ATP4A: variants seen among roughly 807,000 people sequenced by gnomAD.
The protein encoded by ATP4A is potassium-transporting ATPase alpha chain 1.
Under a neutral mutation model 112.1 loss-of-function variants are expected in ATP4A, and 73 were observed. The observed-to-expected ratio is 0.65, with a 90% CI of 0.54 to 0.79. ATP4A has a LOEUF of 0.79. Among genes scored for constraint, ATP4A ranks in the 30% least tolerant of loss-of-function variants. The pLI is 0.00. For synonymous variants in ATP4A, 588 were observed against 588.9 expected (o/e 1.00, Z 0.02); for missense variants, 1,081 against 1,425.9 (o/e 0.76, Z 3.90).
In ATP4A at chr19:35,550,405, C is replaced by T; in HGVS notation, c.*210G>A. ...GCCAGCCCAGAGGACTGCCCAGGCGCTGCTGCTCCAGGAGGTGCGAACCTT... is the reference window on the plus strand; with the variant it reads ...GCCAGCCCAGAGGACTGCCCAGGCGTTGCTGCTCCAGGAGGTGCGAACCTT... On this transcript the variant is annotated 3_prime_UTR_variant, in exon 22 of 22. Coordinates refer to ENST00000262623, the MANE Select transcript of ATP4A (RefSeq NM_000704.3). The surrounding 1 kb of genome is among the most constrained non-coding windows in gnomAD (Gnocchi z 4.1). 1.6e-6 allele frequency: 1 copy of T among 641,872 alleles called. No homozygotes were observed. Among genetic ancestry groups the T allele is most frequent in the Non-Finnish European group, 2.6e-6 (1 of 377,890 alleles). 39.8% of individuals were successfully genotyped at this position (641,872 alleles called of 1,614,324 possible). A position where few individuals can be genotyped will look rare whatever the true frequency, so the allele number is the denominator to read the frequency against.
At chr19:35,552,111 A>G (rs2146306074) in intron 18 of ATP4A, among the ~76,000 whole-genome samples, 1 of 152,168 alleles carries the variant, frequency 6.6e-6, no homozygotes, top group Admixed American at 6.5e-5. Context: ...CAGTGGTGCA[A>G]TCTCAGCTCA....
chr19:35,557,998 G>C lies in ATP4A; in HGVS notation c.1501-151C>G. ...GGGAAGGGTGAAGGTGGAAGATGGAGGCCTTGTGTGGAGGGGTCCTTGGTA... is the reference window on the plus strand; with the variant it reads ...GGGAAGGGTGAAGGTGGAAGATGGACGCCTTGTGTGGAGGGGTCCTTGGTA... On this transcript the variant is annotated intron_variant, in intron 10 of 21. Transcript: ENST00000262623. The surrounding 1 kb of genome is among the most constrained non-coding windows in gnomAD (Gnocchi z 4.4). 1.2e-5 allele frequency: 8 copies of C among 684,986 alleles called. 1 individual carries two copies. In the South Asian group the frequency reaches 1.6e-4, roughly 13 times the overall value. 42.4% of individuals were successfully genotyped at this position (684,986 alleles called of 1,614,324 possible).
In ATP4A at chr19:35,555,429, G is replaced by A; in HGVS notation, c.2157+11C>T. On this transcript the variant is annotated intron_variant, in intron 14 of 21. Transcript: ENST00000262623. The surrounding 1 kb of genome is among the most constrained non-coding windows in gnomAD (Gnocchi z 6.6). The stretch of plus-strand genomic sequence containing the variant: ...TCTGCCCGCCTGCCCACCCTCATCA[G>A]CAGGGCTCACCAGCCGCTGGCAGCT... 6.2e-7 allele frequency: 1 copy of A among 1,610,468 alleles called. No individual in the cohort carries two copies. The highest frequency in any genetic ancestry group is 8.5e-7 in the Non-Finnish European group (1 of 1,177,972).
chr19:35,557,986 G>T lies in ATP4A; in HGVS notation c.1501-139C>A. The T allele has an allele frequency of 1.4e-6, 1 of 738,592 alleles. No homozygotes were observed. Among genetic ancestry groups the T allele is most frequent in the South Asian group, 1.9e-5 (1 of 52,488 alleles). The allele number at this position is 738,592 out of a possible 1,614,324, so 45.8% of individuals were successfully genotyped here. On this transcript the variant is annotated intron_variant, in intron 10 of 21. Coordinates refer to ENST00000262623, the MANE Select transcript of ATP4A (RefSeq NM_000704.3). This position sits in a 1 kb window ranked among gnomAD's most constrained non-coding sequence, Gnocchi z 4.4. ...CTGAGAGCTGCGGGGAAGGGTGAAG[G>T]TGGAAGATGGAGGCCTTGTGTGGAG...
Position 35,560,732 on chromosome 19 carries a change from A to T in ATP4A, c.534+87T>A. ...CCATGGGGAGAGATGGAGGCCACAG[A>T]TGAGGGACAGGGGCCTGATGGAAGG... is the stretch of plus-strand genomic sequence containing the variant. On this transcript the variant is annotated intron_variant, in intron 5 of 21. Coordinates refer to ENST00000262623, the MANE Select transcript of ATP4A (RefSeq NM_000704.3). The surrounding 1 kb of genome is among the most constrained non-coding windows in gnomAD (Gnocchi z 5.1). 1 of 1,576,928 alleles carries T rather than the reference A, an allele frequency of 6.3e-7. No individual in the cohort carries two copies. The highest frequency in any genetic ancestry group is 1.1e-5 in the South Asian group (1 of 89,946).
rs564564192 is a variant in ATP4A, at chr19:35,551,285, G to A, written c.2885+162C>T. 6.6e-6 allele frequency among the ~76,000 whole-genome samples: 1 copy of A among 152,132 alleles called. No individual in the cohort carries two copies. The highest frequency in any genetic ancestry group is 1.5e-5 in the Non-Finnish European group (1 of 68,018). On this transcript the variant is annotated intron_variant, in intron 19 of 21. Transcript: ENST00000262623. The surrounding 1 kb of genome is among the most constrained non-coding windows in gnomAD (Gnocchi z 5.2). Reference sequence around the variant, plus strand: ...ACCCCTTTAGTGAAATGTGGAGGGGGCCGTGGGGGGAGTTATTGGCCAGTT... The same window carrying A: ...ACCCCTTTAGTGAAATGTGGAGGGGACCGTGGGGGGAGTTATTGGCCAGTT...
chr19:35,563,601 C>T lies in ATP4A; in HGVS notation c.12+17G>A, dbSNP rs778084270. 3.1e-6 allele frequency: 5 copies of T among 1,613,896 alleles called. No homozygotes were observed. The highest frequency in any genetic ancestry group is 4.5e-5 in the East Asian group (2 of 44,872). The stretch of plus-strand genomic sequence containing the variant: ...CCCCTGTCCCCACTGCACCCCGGAC[C>T]CCTGGGCCCCACTCACGGCCTTCCC... On this transcript the variant is annotated intron_variant, in intron 1 of 21. Coordinates refer to ENST00000262623, the MANE Select transcript of ATP4A (RefSeq NM_000704.3).
In ATP4A at chr19:35,560,576, T is replaced by C; in HGVS notation, c.574A>G (p.Asn192Asp). The C allele has an allele frequency of 6.2e-7, 1 of 1,612,304 alleles. No individual in the cohort carries two copies. Among genetic ancestry groups the C allele is most frequent in the Non-Finnish European group, 8.5e-7 (1 of 1,179,716 alleles). Residue 192 changes from asparagine (N) to aspartate (D), a missense_variant, in exon 6 of 22, where the codon AAC becomes GAC. Transcript: ENST00000262623. The surrounding 1 kb of genome is among the most constrained non-coding windows in gnomAD (Gnocchi z 5.1). Reference protein sequence around the residue: ...VIRDGDKFQINADQLVVGDLV... With the variant: ...VIRDGDKFQIDADQLVVGDLV... ...TCGCCCACCACCAGTTGGTCAGCGTTGATCTGGAATTTGTCTCCATCGCGG... is the reference window on the plus strand; with the variant it reads ...TCGCCCACCACCAGTTGGTCAGCGTCGATCTGGAATTTGTCTCCATCGCGG...
Position 35,563,236 on chromosome 19 carries a change from T to A in ATP4A, c.189A>T (p.Glu63Asp). The A allele has an allele frequency of 6.2e-7, 1 of 1,614,052 alleles. No individual in the cohort carries two copies. The highest frequency in any genetic ancestry group is 8.5e-7 in the Non-Finnish European group (1 of 1,180,012). Reference sequence around the variant, plus strand: ...TGGTGGCACTGGTCTGGTATTTCTGTTCCAGCTCCGCCACTGACAGCTGGT... The same window carrying A: ...TGGTGGCACTGGTCTGGTATTTCTGATCCAGCTCCGCCACTGACAGCTGGT... The part of the protein sequence containing the change: ...NDHQLSVAEL[E>D]QKYQTSATKG... The change falls in exon 3 of 22, where the codon GAA (glutamate) becomes GAT (aspartate). Residue 63 changes from glutamate (E) to aspartate (D), a missense_variant. Around this residue, in one of 3 missense-constraint regions of ATP4A, gnomAD observed 850 missense variants for 1,068.2 expected, o/e 0.80. Coordinates refer to ENST00000262623, the MANE Select transcript of ATP4A (RefSeq NM_000704.3).
chr19:35,555,917 C>T lies in ATP4A; in HGVS notation c.1870-105G>A, dbSNP rs569713534. 1.4e-5 allele frequency: 21 copies of T among 1,461,196 alleles called. No homozygotes were observed. The highest frequency in any genetic ancestry group is 5.5e-5 in the South Asian group (4 of 72,274). The allele number at this position is 1,461,196 out of a possible 1,614,324, so 90.5% of individuals were successfully genotyped here. A position where few individuals can be genotyped will look rare whatever the true frequency, so the allele number is the denominator to read the frequency against. On this transcript the variant is annotated intron_variant, in intron 12 of 21. Transcript: ENST00000262623. The surrounding 1 kb of genome is among the most constrained non-coding windows in gnomAD (Gnocchi z 6.6). ...ACACGTGTTCATTTACTTGACCAAG[C>T]GTGACCACCTCCTACGTGCCTGGGA...
Position 35,557,676 on chromosome 19 carries a change from C to T in ATP4A, c.1672G>A (p.Gly558Ser). The change falls in exon 11 of 22, where the codon GGC becomes AGC. Residue 558 changes from glycine to serine, a missense_variant. Physicochemically the swap from Gly to Ser is moderately conservative, Grantham distance 56. Coordinates refer to ENST00000262623, the MANE Select transcript of ATP4A (RefSeq NM_000704.3). The surrounding 1 kb of genome is among the most constrained non-coding windows in gnomAD (Gnocchi z 4.4). ...TCACCGAGCACGCGTTCGCCCAGGC[C>T]TCCCAGGCTGAGGTAGGCGGTCTGG... ...AFQTAYLSLG[G>S]LGERVLGFCQ... The T allele has an allele frequency of 6.2e-7, 1 of 1,608,894 alleles. No individual in the cohort carries two copies. The highest frequency in any genetic ancestry group is 1.1e-5 in the South Asian group (1 of 90,186).
At chr19:35,554,601 G>A (rs2733738) in intron 16 of ATP4A, among the ~76,000 whole-genome samples, 79,270 of 151,898 alleles carry the variant, frequency 0.52, 21,315 homozygotes, top group South Asian at 0.65. Flanking sequence ...CTGTTTAGGG[G>A]CACGTGTCTG....
rs200663366 is a variant in ATP4A at position 35,551,086 on chromosome 19, C to G, written c.2911G>C (p.Val971Leu). The G allele has an allele frequency of 3.7e-6, 6 of 1,611,960 alleles. No individual in the cohort carries two copies. The highest frequency in any genetic ancestry group is 5.1e-6 in the Non-Finnish European group (6 of 1,179,006). The change falls in exon 20 of 22, where the codon GTG becomes CTG. Residue 971 changes from valine (V) to leucine (L), a missense_variant. Transcript: ENST00000262623. The surrounding 1 kb of genome is among the most constrained non-coding windows in gnomAD (Gnocchi z 5.2). ...AAGCAGCCGATGCAGACCTGGAACA[C>G]GATGGCGATCACCAGGATCTTATTC... Reference protein sequence around the residue: ...FRNKILVIAIVFQVCIGCFLC... With the variant: ...FRNKILVIAILFQVCIGCFLC...
rs777625012 is a variant in ATP4A, at chr19:35,558,448, C to T, written c.1414G>A (p.Glu472Lys). ...CCCATGGCGTTGCCCAGCGTCAGCT[C>T]CGAGAACTTGAGCAGCGCCGTCTCC... ...ASETALLKFS[E>K]LTLGNAMGYR... Residue 472 changes from glutamate to lysine, a missense_variant, in exon 10 of 22, where the codon GAG becomes AAG. This residue lies in a region of ATP4A where 850 missense variants were observed against 1,068.2 expected (regional missense o/e 0.80). Coordinates refer to ENST00000262623, the MANE Select transcript of ATP4A (RefSeq NM_000704.3). This position sits in a 1 kb window ranked among gnomAD's most constrained non-coding sequence, Gnocchi z 5.1. 1 of 1,604,934 alleles carries T rather than the reference C, an allele frequency of 6.2e-7. No homozygotes were observed. Among genetic ancestry groups the T allele is most frequent in the Non-Finnish European group, 8.5e-7 (1 of 1,176,218 alleles).
In ATP4A at chr19:35,556,923, G is replaced by A; in HGVS notation, c.1859C>T (p.Ala620Val). Residue 620 changes from alanine (A) to valine (V), a missense_variant, in exon 12 of 22, where the codon GCA becomes GTA. Around this residue, in one of 3 missense-constraint regions of ATP4A, gnomAD observed 850 missense variants for 1,068.2 expected, o/e 0.80. Transcript: ENST00000262623. ...CCCACAGTGGCATACCCGGATGCCT[G>A]CGGTGCGACACTTGAGCACAGCATC... ...VPDAVLKCRT[A>V]GIRVIMVTGD... 2 of 1,613,840 alleles carry A rather than the reference G, an allele frequency of 1.2e-6. No homozygotes were observed. Among genetic ancestry groups the A allele is most frequent in the Non-Finnish European group, 8.5e-7 (1 of 1,179,752 alleles).
Position 35,558,640 on chromosome 19 carries a change from C to T in ATP4A, c.1302G>A (p.Arg434=), listed in dbSNP as rs1357696599. 7 of 1,594,664 alleles carry T rather than the reference C, an allele frequency of 4.4e-6. No individual in the cohort carries two copies. Among genetic ancestry groups the T allele is most frequent in the Non-Finnish European group, 6.0e-6 (7 of 1,173,758 alleles). ...CGGCGCGGTTGCACAGGGTGAGCAC[C>T]CGGCACAGCGCCCGCCACGTCTCCG... ...QSSETWRALC[R]VLTLCNRAAF... is the part of the protein sequence containing the mutation. The change falls in exon 9 of 22, where the codon CGG becomes CGA. Residue 434 remains arginine (R), a synonymous_variant. Transcript: ENST00000262623. The surrounding 1 kb of genome is among the most constrained non-coding windows in gnomAD (Gnocchi z 5.1).
Position 35,563,399 on chromosome 19 carries a change from C to A in ATP4A, c.141G>T (p.Lys47Asn), listed in dbSNP as rs765062885. The change falls in exon 2 of 22, where the codon AAG becomes AAT. Residue 47 changes from lysine (K) to asparagine (N), a missense_variant. This residue lies in a region of ATP4A where 850 missense variants were observed against 1,068.2 expected (regional missense o/e 0.80). Transcript: ENST00000262623. ...GKRKEKLENMKKEMEINDHQL... is the reference protein window; with the variant it reads ...GKRKEKLENMNKEMEINDHQL... ...CAGAGCTCACAATCTCCATCTCCTT[C>A]TTCATGTTCTCCAGCTTCTCCTTCC... The A allele has an allele frequency of 6.2e-7, 1 of 1,613,298 alleles. No homozygotes were observed. The highest frequency in any genetic ancestry group is 1.1e-5 in the South Asian group (1 of 91,036).
At position 35,555,615 on chromosome 19, in the gene ATP4A, G is replaced by C. The variant is rs751936807; in HGVS notation, c.2007-25C>G. 3.8e-6 allele frequency: 6 copies of C among 1,576,752 alleles called. No individual in the cohort carries two copies. The highest frequency in any genetic ancestry group is 2.7e-5 in the African/African-American group (2 of 74,460). ...CCTGGGGAGGAGATGGGAGGACCTC[G>C]CTGGGACCTCGGTCTGTGCCAGATG... On this transcript the variant is annotated intron_variant, in intron 13 of 21. Transcript: ENST00000262623. The surrounding 1 kb of genome is among the most constrained non-coding windows in gnomAD (Gnocchi z 6.6).
Position 35,563,646 on chromosome 19 carries a change from G to C in ATP4A, c.-17C>G. 1 of 1,613,804 alleles carries C rather than the reference G, an allele frequency of 6.2e-7. No homozygotes were observed. Among genetic ancestry groups the C allele is most frequent in the Non-Finnish European group, 8.5e-7 (1 of 1,179,946 alleles). On this transcript the variant is annotated 5_prime_UTR_variant, in exon 1 of 22. Coordinates refer to ENST00000262623, the MANE Select transcript of ATP4A (RefSeq NM_000704.3). Reference sequence around the variant, plus strand: ...CTTCCCCATGGTGCCCGGTGCCTGTGCTCCCACCCAACAGAGCCTGGGCCC... The same window carrying C: ...CTTCCCCATGGTGCCCGGTGCCTGTCCTCCCACCCAACAGAGCCTGGGCCC...
Sources: allele counts gnomAD v4.1 joint callset (sites outside exome capture counted in the v4.1 genomes callset), GRCh38; gene constraint gnomAD v4.1.1; regional missense constraint gnomAD v4.1.1; non-coding constraint Gnocchi (gnomAD v3.1); transcripts MANE v1.5; gene names NCBI Gene and HGNC (gene_info 2026-07-23, HGNC 2026-07-21).